SCMH1: variants seen among roughly 807,000 people sequenced by gnomAD.
SCMH1 encodes the protein polycomb protein SCMH1.
SCMH1 carries 37 observed loss-of-function variants against 70.8 expected under a neutral mutation model. That is an observed-to-expected ratio of 0.52 (90% CI 0.40 to 0.69). SCMH1 has a LOEUF of 0.69. SCMH1 is among the 30% of genes least tolerant of loss of function. SCMH1 has a pLI of 0.00. For synonymous variants in SCMH1, 292 were observed against 307.4 expected (o/e 0.95, Z 0.52); for missense variants, 607 against 827.3 (o/e 0.73, Z 3.27).
chr1:41,100,557 T>TTTCC (rs1557433766), intron 8 of SCMH1, among the ~76,000 whole-genome samples: 1 of 145,188 alleles, frequency 6.9e-6, no homozygotes, highest in Non-Finnish European at 1.5e-5. Flanking sequence ...TAGCCTTTTC[T>TTTCC]TTTCTTTTTC....
chr1:41,160,815 A>G, intron 4 of SCMH1, 60 bp downstream of exon 4: 1 of 1,474,100 alleles, frequency 6.8e-7, no homozygotes, highest in Non-Finnish European at 9.3e-7. Context: ...ACTGGTTATA[A>G]TCTAATCCCT....
chr1:41,059,400 G>A (rs1651764910), intron 10 of SCMH1, among the ~76,000 whole-genome samples: 1 of 152,200 alleles, frequency 6.6e-6, no homozygotes. Context: ...AAGGAGGGAA[G>A]AGAAGGAGCA....
chr1:41,094,287 T>C (rs878971979), intron 8 of SCMH1, among the ~76,000 whole-genome samples: 1 of 152,198 alleles, frequency 6.6e-6, no homozygotes, highest in Non-Finnish European at 1.5e-5. Context: ...AAGTATATCA[T>C]TACTATTACT....
At chr1:41,088,687 A>T (rs1419276275) in intron 8 of SCMH1, among the ~76,000 whole-genome samples, 5 of 152,226 alleles carry the variant, frequency 3.3e-5, no homozygotes, top group Non-Finnish European at 4.4e-5. Flanking sequence ...GAAGGAAAAA[A>T]AGTAATTCAA....
chr1:41,142,837 A>G (rs2148226227), intron 6 of SCMH1, 41 bp downstream of exon 6: 5 of 1,532,498 alleles, frequency 3.3e-6, no homozygotes, highest in Non-Finnish European at 4.5e-6. Context: ...GACGCTAACT[A>G]TTAATAATTG....
chr1:41,104,120 G>C (rs1182650760), intron 8 of SCMH1, among the ~76,000 whole-genome samples: 2 of 152,160 alleles, frequency 1.3e-5, no homozygotes, highest in Non-Finnish European at 2.9e-5. Flanking sequence ...ACGCACAGTG[G>C]GCATCTACTA....
intron 5 of SCMH1, among the ~76,000 whole-genome samples, chr1:41,143,853 C>CT (rs1557639073): frequency 6.6e-6 from 1 of 152,158 alleles, no homozygotes. Context: ...GATGTACTTT[C>CT]TTTTTTGTCT....
chr1:41,091,943 C>T (rs1279502227), intron 8 of SCMH1, among the ~76,000 whole-genome samples: 2 of 152,018 alleles, frequency 1.3e-5, no homozygotes, highest in Non-Finnish European at 2.9e-5. Flanking sequence ...AATGGCCATA[C>T]TGCCCAAGGT....
chr1:41,069,685 A>G (rs1655817866), intron 10 of SCMH1, among the ~76,000 whole-genome samples: 2 of 152,216 alleles, frequency 1.3e-5, no homozygotes, highest in South Asian at 4.1e-4. Context: ...TTATAAACTG[A>G]GGCTCAGACA....
intron 5 of SCMH1, among the ~76,000 whole-genome samples, chr1:41,145,598 C>A (rs191604898): frequency 6.6e-6 from 1 of 152,238 alleles, no homozygotes; most frequent in East Asian, 1.9e-4. Flanking sequence ...AAAAAGGCAG[C>A]TGGGATTTTG....
intron 6 of SCMH1, among the ~76,000 whole-genome samples, chr1:41,140,096 T>C (rs770016833): frequency 1.3e-5 from 2 of 152,036 alleles, no homozygotes; most frequent in Non-Finnish European, 2.9e-5. Context: ...GGTGGTAGTG[T>C]TGGTATTGTT....
intron 4 of SCMH1, 42 bp from the exon 5 acceptor site, chr1:41,151,726 A>G (rs1169855541): frequency 1.4e-6 from 2 of 1,458,552 alleles, no homozygotes; most frequent in South Asian, 2.4e-5. Context: ...CAACTTCCTA[A>G]AAAAAATGTT....
chr1:41,056,878 G>A (rs1023580468), intron 10 of SCMH1, among the ~76,000 whole-genome samples: 2 of 151,876 alleles, frequency 1.3e-5, no homozygotes, highest in African/African-American at 4.8e-5. Flanking sequence ...ATACCCTCAT[G>A]CTTTTGGCAG....
At chr1:41,151,201 A>C (rs1209313475) in intron 5 of SCMH1, among the ~76,000 whole-genome samples, 1 of 152,214 alleles carries the variant, frequency 6.6e-6, no homozygotes, top group African/African-American at 2.4e-5. Context: ...GATGCTTCAC[A>C]GTGGGACTCA....
At chr1:41,222,859 G>C (rs751090360) in intron 1 of SCMH1, among the ~76,000 whole-genome samples, 1 of 152,194 alleles carries the variant, frequency 6.6e-6, no homozygotes, top group Non-Finnish European at 1.5e-5. Context: ...TTGAGATGAA[G>C]AATCCCTGAT....
intron 6 of SCMH1, among the ~76,000 whole-genome samples, chr1:41,126,084 T>C (rs1673115083): frequency 6.6e-6 from 1 of 152,202 alleles, no homozygotes; most frequent in South Asian, 2.1e-4. Context: ...AATCCAATAC[T>C]ACAGGGTTCT....
chr1:41,166,673 AC>A (rs1352195964), intron 2 of SCMH1, among the ~76,000 whole-genome samples: 1 of 151,820 alleles, frequency 6.6e-6, no homozygotes, highest in African/African-American at 2.4e-5. Context: ...TAGAAATGCT[AC>A]TGACTTTTGT....
At chr1:41,035,038 G>A (rs964835042) in intron 13 of SCMH1, among the ~76,000 whole-genome samples, 4 of 152,058 alleles carry the variant, frequency 2.6e-5, no homozygotes, top group Non-Finnish European at 5.9e-5. Flanking sequence ...GCAATCCCTT[G>A]GAATAAATCC....
At chr1:41,152,928 G>A (rs1319905788) in intron 4 of SCMH1, among the ~76,000 whole-genome samples, 1 of 152,206 alleles carries the variant, frequency 6.6e-6, no homozygotes, top group East Asian at 1.9e-4. Context: ...TGAACTAGCT[G>A]ATGATTAATC....
Sources: gnomAD v4.1 joint callset for allele counts (sites outside exome capture counted in the v4.1 genomes callset) on GRCh38, gnomAD v4.1.1 for gene constraint, MANE v1.5 for transcripts, NCBI Gene and HGNC (gene_info 2026-07-23, HGNC 2026-07-21) for gene names.